ADAMTSL1: variants seen among roughly 807,000 people sequenced by gnomAD.
ADAMTSL1 encodes ADAMTS-like protein 1.
ADAMTSL1 carries 126 observed loss-of-function variants against 201.8 expected under a neutral mutation model. The ratio of observed to expected loss-of-function variants is 0.62; its 90% CI spans 0.54 to 0.72. The LOEUF is 0.72. Ranked by LOEUF, ADAMTSL1 falls within the 30% of genes least tolerant of loss-of-function variation. The probability of loss-of-function intolerance (pLI) is 0.00; values close to 1 mark genes in which losing one functional copy is unlikely to be tolerated. For synonymous variants in ADAMTSL1, 1,121 were observed against 903.4 expected, an observed-to-expected ratio of 1.24 and a Z score of -4.32; for missense variants, 2,679 against 2,277.8, an observed-to-expected ratio of 1.18 and a Z score of -3.59.
At chr9:18,586,992 A>T (rs1823538563) in intron 4 of ADAMTSL1, among the ~76,000 whole-genome samples, 1 of 152,180 alleles carries the variant, frequency 6.6e-6, no homozygotes, top group Non-Finnish European at 1.5e-5. Flanking sequence ...TATTAAAAAA[A>T]AACTGTGGAA....
intron 1 of ADAMTSL1, among the ~76,000 whole-genome samples, chr9:18,084,057 C>T (rs980531492): frequency 5.3e-5 from 8 of 152,196 alleles, no homozygotes; most frequent in African/African-American, 1.9e-4. Context: ...GTGATGACTT[C>T]CCTCCTCCAT....
At chr9:18,559,261 G>A (rs575093415) in intron 3 of ADAMTSL1, among the ~76,000 whole-genome samples, 1 of 152,208 alleles carries the variant, frequency 6.6e-6, no homozygotes, top group African/African-American at 2.4e-5. Context: ...TATTAAATAG[G>A]GAACCCTTTC....
At chr9:18,137,151 AG>A (rs1256854679) in intron 1 of ADAMTSL1, among the ~76,000 whole-genome samples, 3 of 152,210 alleles carry the variant, frequency 2.0e-5, no homozygotes, top group African/African-American at 7.2e-5. Context: ...ATGCAATGAT[AG>A]TAGCCCAGGT....
At chr9:18,334,537 A>G (rs1835152591) in intron 2 of ADAMTSL1, among the ~76,000 whole-genome samples, 1 of 151,992 alleles carries the variant, frequency 6.6e-6, no homozygotes, top group Admixed American at 6.6e-5. Context: ...TAAATTTAAA[A>G]CTCTTAGTCC....
chr9:18,776,828 A>G lies in ADAMTSL1; in HGVS notation c.2599A>G (p.Arg867Gly), dbSNP rs200745129. 416 of 1,587,686 alleles carry G rather than the reference A, an allele frequency of 2.6e-4. 2 individuals carry two copies. Among genetic ancestry groups the G allele is most frequent in the Non-Finnish European group, 3.0e-4 (350 of 1,167,530 alleles). ...TKHSPHIAAA[R>G]KVYIQTRRQR... ...GCACAGCCCGCACATCGCGGCCGCC[A>G]GGAAGGTCTACATACAGACTCGCAG... is the stretch of plus-strand genomic sequence containing the variant. The change falls in exon 19 of 29, where the codon AGG (arginine) becomes GGG (glycine). Residue 867 changes from arginine (R) to glycine (G), a missense_variant. Physicochemically the swap from Arg to Gly is moderately radical, Grantham distance 125. Coordinates refer to ENST00000380548, the MANE Select transcript of ADAMTSL1 (RefSeq NM_001040272.6).
At chr9:18,103,872 T>G (rs16936321) in intron 1 of ADAMTSL1, among the ~76,000 whole-genome samples, 4,378 of 152,244 alleles carry the variant, frequency 0.029, 105 homozygotes, top group Middle Eastern at 0.068. Flanking sequence ...AATAAGAATT[T>G]CTGAGGAATT....
At chr9:18,590,823 G>T (rs1196651031) in intron 4 of ADAMTSL1, among the ~76,000 whole-genome samples, 2 of 151,906 alleles carry the variant, frequency 1.3e-5, no homozygotes, top group African/African-American at 2.4e-5. Flanking sequence ...AGTTTCCAAA[G>T]TTCGTCTATA....
chr9:18,458,979 G>GCC (rs1166770308), intron 2 of ADAMTSL1, among the ~76,000 whole-genome samples: 9 of 152,082 alleles, frequency 5.9e-5, no homozygotes, highest in Admixed American at 1.3e-4. Flanking sequence ...ATATTAAACA[G>GCC]AACCTTTGTG....
intron 2 of ADAMTSL1, among the ~76,000 whole-genome samples, chr9:18,286,758 G>T (rs938797389): frequency 6.6e-6 from 1 of 151,868 alleles, no homozygotes; most frequent in African/African-American, 2.4e-5. Context: ...TTTCTTTTTA[G>T]TCTCCAAAGA....
chr9:18,029,611 A>G (rs1388231630), intron 1 of ADAMTSL1, among the ~76,000 whole-genome samples: 2 of 152,064 alleles, frequency 1.3e-5, no homozygotes, highest in Non-Finnish European at 2.9e-5. Flanking sequence ...TGAACAGGCA[A>G]CCTACAGAAT....
chr9:18,594,573 T>A (rs146533903), intron 4 of ADAMTSL1, among the ~76,000 whole-genome samples: 1 of 152,352 alleles, frequency 6.6e-6, no homozygotes, highest in East Asian at 1.9e-4. Context: ...ACTGATTGTT[T>A]CTTCTGTTTG....
chr9:18,780,519 C>G (rs1367761967), intron 19 of ADAMTSL1, among the ~76,000 whole-genome samples: 1 of 152,000 alleles, frequency 6.6e-6, no homozygotes, highest in Non-Finnish European at 1.5e-5. Context: ...TAATATCACA[C>G]TTGATTTTTT....
chr9:18,546,178 C>G (rs1820455392), intron 3 of ADAMTSL1, among the ~76,000 whole-genome samples: 1 of 152,072 alleles, frequency 6.6e-6, no homozygotes, highest in South Asian at 2.1e-4. Flanking sequence ...CTATATTTTT[C>G]TTTATAATCT....
chr9:18,138,729 T>C (rs1262571567), intron 1 of ADAMTSL1, among the ~76,000 whole-genome samples: 1 of 152,154 alleles, frequency 6.6e-6, no homozygotes, highest in African/African-American at 2.4e-5. Flanking sequence ...GGTGAGGTTA[T>C]GCTTTCTGCA....
chr9:18,074,511 CTTCTTTTCTT>C (rs1554690845), intron 1 of ADAMTSL1, among the ~76,000 whole-genome samples: 31 of 93,588 alleles, frequency 3.3e-4, no homozygotes, highest in African/African-American at 1.9e-3. Flanking sequence ...CTTTTCTTTT[CTTCTTTTCTT>C]TTCTTTTCTT....
intron 15 of ADAMTSL1, among the ~76,000 whole-genome samples, chr9:18,734,587 A>T (rs1818401613): frequency 6.6e-6 from 1 of 152,212 alleles, no homozygotes; most frequent in South Asian, 2.1e-4. Context: ...GGAAACCAGT[A>T]TACAAACAGT....
At chr9:18,256,765 G>A (rs752371913) in intron 2 of ADAMTSL1, among the ~76,000 whole-genome samples, 4 of 152,186 alleles carry the variant, frequency 2.6e-5, no homozygotes, top group African/African-American at 4.8e-5. Context: ...AGCAACCATC[G>A]TAATATACAG....
At chr9:18,660,471 G>A (rs1036179591) in intron 8 of ADAMTSL1, among the ~76,000 whole-genome samples, 4 of 152,082 alleles carry the variant, frequency 2.6e-5, no homozygotes, top group African/African-American at 9.7e-5. Flanking sequence ...CGCTATAATA[G>A]CTTCAAAGCA....
chr9:18,801,725 T>G (rs943420651), intron 20 of ADAMTSL1, among the ~76,000 whole-genome samples: 7 of 152,218 alleles, frequency 4.6e-5, no homozygotes, highest in African/African-American at 1.7e-4. Flanking sequence ...TGCATAGTAT[T>G]CCATGATGTA....
Sources: allele counts gnomAD v4.1 joint callset (sites outside exome capture counted in the v4.1 genomes callset), GRCh38; gene constraint gnomAD v4.1.1; transcripts MANE v1.5; gene names NCBI Gene and HGNC (gene_info 2026-07-23, HGNC 2026-07-21).